Variants in CMIP observed in about 807,000 individuals in gnomAD.
CMIP encodes the protein C-Maf-inducing protein.
A neutral mutation model predicts 97.3 loss-of-function variants in CMIP; 13 were observed. The ratio of observed to expected loss-of-function variants is 0.13; its 90% CI spans 0.09 to 0.21. CMIP has a LOEUF of 0.21. Ranked by LOEUF, CMIP falls within the 10% of genes least tolerant of loss-of-function variation. The pLI is 1.00. For missense variants in CMIP, 847 were observed against 1,024.9 expected (o/e 0.83, Z 2.37); for synonymous variants, 538 against 436.3 (o/e 1.23, Z -2.91).
At chr16:81,484,147 T>C (rs1333098218) in intron 1 of CMIP, among the ~76,000 whole-genome samples, 2 of 152,152 alleles carry the variant, frequency 1.3e-5, no homozygotes, top group Non-Finnish European at 2.9e-5. Flanking sequence ...ATCATCTTTT[T>C]CCACCAACTC....
chr16:81,709,437 G>A (rs1196861507), intron 20 of CMIP, among the ~76,000 whole-genome samples: 3 of 152,182 alleles, frequency 2.0e-5, no homozygotes, highest in African/African-American at 4.8e-5. Flanking sequence ...CCACGGTCAC[G>A]CAGCAGCAAG....
intron 8 of CMIP, 146 bp from the exon 9 acceptor site, chr16:81,671,820 C>A (rs1401981736): frequency 9.0e-6 from 5 of 555,968 alleles, no homozygotes; most frequent in Non-Finnish European, 1.6e-5. Flanking sequence ...CCACCAATTG[C>A]ACAGTGAAGG....
chr16:81,583,926 G>A, intron 1 of CMIP, among the ~76,000 whole-genome samples: 1 of 152,128 alleles, frequency 6.6e-6, no homozygotes, highest in East Asian at 1.9e-4. Flanking sequence ...GGGAATCGTT[G>A]GAAGCAGGAA....
chr16:81,500,301 T>TCCTTCCTTCCTTCCTTCCTTCCTTCCTG (rs1200431349), intron 1 of CMIP, among the ~76,000 whole-genome samples: 2 of 133,404 alleles, frequency 1.5e-5, no homozygotes, highest in African/African-American at 3.2e-5. Context: ...CTTCCTTCCT[T>TCCTTCCTTCCTTCCTTCCTTCCTTCCTG]CCTGCCTCCC....
intron 8 of CMIP, 30 bp downstream of exon 8, chr16:81,670,275 G>A: frequency 6.3e-7 from 1 of 1,582,016 alleles, no homozygotes; most frequent in Admixed American, 1.8e-5. Flanking sequence ...TCCCTCTGTG[G>A]CCTAGGAGCC....
intron 7 of CMIP, among the ~76,000 whole-genome samples, chr16:81,668,056 C>G (rs1449389842): frequency 2.0e-5 from 3 of 152,066 alleles, no homozygotes; most frequent in African/African-American, 7.2e-5. Flanking sequence ...GGAACGGGTT[C>G]CACTCAGAGC....
chr16:81,656,834 C>G (rs1050189095), intron 4 of CMIP, among the ~76,000 whole-genome samples: 2 of 152,094 alleles, frequency 1.3e-5, no homozygotes, highest in Non-Finnish European at 2.9e-5. Flanking sequence ...GTTGGCCAGG[C>G]TGATCTTGAA....
chr16:81,576,999 C>T (rs2091200231), intron 1 of CMIP, among the ~76,000 whole-genome samples: 1 of 148,118 alleles, frequency 6.8e-6, no homozygotes, highest in African/African-American at 2.6e-5. Context: ...ACCAACATCC[C>T]CATTACCACT....
intron 1 of CMIP, among the ~76,000 whole-genome samples, chr16:81,536,286 C>G (rs1357933790): frequency 6.6e-6 from 1 of 152,132 alleles, no homozygotes; most frequent in Admixed American, 6.5e-5. Flanking sequence ...CCTTGCCTTG[C>G]TGTGGCAATT....
intron 1 of CMIP, among the ~76,000 whole-genome samples, chr16:81,451,606 T>G (rs1434967178): frequency 6.6e-6 from 1 of 152,196 alleles, no homozygotes; most frequent in Non-Finnish European, 1.5e-5. Context: ...TTCCTGGGGT[T>G]ATTGCTACCT....
intron 1 of CMIP, among the ~76,000 whole-genome samples, chr16:81,466,614 A>G (rs962112993): frequency 1.1e-4 from 16 of 152,232 alleles, no homozygotes; most frequent in African/African-American, 3.9e-4. Flanking sequence ...ATTACTTACG[A>G]ACGGGCCATG....
intron 1 of CMIP, among the ~76,000 whole-genome samples, chr16:81,588,759 G>A (rs964110962): frequency 2.6e-5 from 4 of 152,078 alleles, no homozygotes; most frequent in African/African-American, 9.7e-5. Flanking sequence ...TTAGTCGTGG[G>A]GCACAGCAGG....
chr16:81,589,894 T>C (rs2091441140), intron 1 of CMIP, among the ~76,000 whole-genome samples: 1 of 152,198 alleles, frequency 6.6e-6, no homozygotes, highest in Admixed American at 6.5e-5. Flanking sequence ...TGTACCTCAA[T>C]GGCGTGTGTA....
At chr16:81,604,134 C>T (rs1053924518) in intron 1 of CMIP, among the ~76,000 whole-genome samples, 1 of 152,220 alleles carries the variant, frequency 6.6e-6, no homozygotes, top group African/African-American at 2.4e-5. Context: ...TGGCTCACGC[C>T]TGTAATCCCA....
At chr16:81,448,328 C>A (rs1905992398) in intron 1 of CMIP, among the ~76,000 whole-genome samples, 1 of 152,076 alleles carries the variant, frequency 6.6e-6, no homozygotes, top group African/African-American at 2.4e-5. Context: ...CTTTTTTGCC[C>A]AAACCTTTTG....
chr16:81,688,955 G>T (rs570502207), intron 10 of CMIP, among the ~76,000 whole-genome samples: 23 of 152,314 alleles, frequency 1.5e-4, no homozygotes, highest in African/African-American at 5.1e-4. Flanking sequence ...ATGGTTTCCA[G>T]CTTCATCCAT....
At chr16:81,479,199 G>A (rs1908110970) in intron 1 of CMIP, among the ~76,000 whole-genome samples, 1 of 152,194 alleles carries the variant, frequency 6.6e-6, no homozygotes, top group Non-Finnish European at 1.5e-5. Context: ...TGTTTGTAAA[G>A]AGGGCGGTCA....
chr16:81,666,409 CT>C (rs1236170283), intron 7 of CMIP: 1 of 152,182 alleles, frequency 6.6e-6, no homozygotes, highest in Non-Finnish European at 1.5e-5. Flanking sequence ...GGACATCTGA[CT>C]TCAAAGGGAA....
In CMIP at chr16:81,455,234, G is replaced by A. The variant is rs142289664; in HGVS notation, c.300+9693G>A. ...CGCCAGGACCAGGCAGTTAGTCACA[G>A]TAGTGACCGTGCAGCGGCCACTCGT... On this transcript the variant is annotated intron_variant, in intron 1 of 20. Transcript: ENST00000537098. Among the ~76,000 whole-genome samples the A allele has an allele frequency of 3.9e-3, 591 of 152,330 alleles. 3 individuals are homozygous for A. The highest frequency in any genetic ancestry group is 0.014 in the African/African-American group (565 of 41,554).
Sources: gnomAD v4.1 joint callset for allele counts (sites outside exome capture counted in the v4.1 genomes callset) on GRCh38, gnomAD v4.1.1 for gene constraint, MANE v1.5 for transcripts, NCBI Gene and HGNC (gene_info 2026-07-23, HGNC 2026-07-21) for gene names.